EPHA6: variants seen among roughly 807,000 people sequenced by gnomAD.
EPHA6 encodes ephrin type-A receptor 6.
In EPHA6, 50 loss-of-function variants were observed where a neutral mutation model predicts 112.0. That is an observed-to-expected ratio of 0.45 (90% CI 0.36 to 0.56). The LOEUF (loss-of-function observed/expected upper bound fraction) is 0.56, where lower values mean the gene tolerates loss of function less well. Among genes scored for constraint, EPHA6 ranks in the 20% least tolerant of loss-of-function variants. EPHA6 has a pLI of 0.00. For synonymous variants in EPHA6, 529 were observed against 490.7 expected (o/e 1.08, Z -1.03); for missense variants, 1,280 against 1,417.4 (o/e 0.90, Z 1.56).
intron 6 of EPHA6, among the ~76,000 whole-genome samples, chr3:97,420,604 AT>A (rs538964740): frequency 1.5e-4 from 23 of 152,124 alleles, no homozygotes; most frequent in Non-Finnish European, 2.8e-4. Context: ...TTTTTAAGTC[AT>A]TTTTTTCCCC....
At chr3:97,705,308 C>T (rs2033617432) in intron 14 of EPHA6, among the ~76,000 whole-genome samples, 1 of 152,112 alleles carries the variant, frequency 6.6e-6, no homozygotes, top group African/African-American at 2.4e-5. Context: ...TCATCTAACT[C>T]TATTCATCTT....
intron 5 of EPHA6, among the ~76,000 whole-genome samples, chr3:97,283,494 TATA>T (rs1268002937): frequency 2.0e-5 from 3 of 152,138 alleles, no homozygotes; most frequent in African/African-American, 7.2e-5. Flanking sequence ...ATATGGTGAT[TATA>T]ATATTAAATG....
intron 10 of EPHA6, among the ~76,000 whole-genome samples, chr3:97,518,706 T>C (rs556197450): frequency 2.5e-4 from 38 of 152,244 alleles, no homozygotes; most frequent in Admixed American, 7.2e-4. Context: ...TCTTTGGGGG[T>C]TCTAATTTGC....
At chr3:97,123,315 C>A (rs753023917) in intron 3 of EPHA6, among the ~76,000 whole-genome samples, 1 of 152,026 alleles carries the variant, frequency 6.6e-6, no homozygotes, top group Admixed American at 6.6e-5. Flanking sequence ...TTCATGTATA[C>A]GATAGCCTAG....
chr3:96,876,757 A>G (rs748983228), intron 2 of EPHA6, among the ~76,000 whole-genome samples: 3 of 152,040 alleles, frequency 2.0e-5, no homozygotes, highest in South Asian at 4.1e-4. Context: ...TCTATCTGGA[A>G]TGTTCCCTTT....
At chr3:97,492,590 A>C (rs1259297252) in intron 10 of EPHA6, among the ~76,000 whole-genome samples, 3 of 131,138 alleles carry the variant, frequency 2.3e-5, no homozygotes, top group African/African-American at 3.2e-5. Flanking sequence ...AAAAAAAAAA[A>C]AAAACCGTGG....
At chr3:97,146,578 A>G (rs2076047751) in intron 3 of EPHA6, among the ~76,000 whole-genome samples, 1 of 151,888 alleles carries the variant, frequency 6.6e-6, no homozygotes, top group African/African-American at 2.4e-5. Flanking sequence ...TGACTCTTGT[A>G]CTCTCTATAT....
intron 11 of EPHA6, among the ~76,000 whole-genome samples, chr3:97,563,208 T>C (rs113590770): frequency 0.019 from 2,933 of 152,194 alleles, 44 homozygotes; most frequent in Non-Finnish European, 0.03. Flanking sequence ...TAAAGTTATG[T>C]TGAAGGTGAG....
chr3:96,871,284 C>T (rs1367989775), intron 2 of EPHA6, among the ~76,000 whole-genome samples: 2 of 151,830 alleles, frequency 1.3e-5, no homozygotes, highest in Non-Finnish European at 2.9e-5. Context: ...AGGGAAAGGA[C>T]TTGATAATAG....
intron 14 of EPHA6, among the ~76,000 whole-genome samples, chr3:97,641,491 G>GT (rs2094003587): frequency 5.9e-5 from 9 of 152,306 alleles, no homozygotes; most frequent in Admixed American, 5.9e-4. Flanking sequence ...CGTGAGCGAC[G>GT]CAGAAGACGG....
intron 10 of EPHA6, among the ~76,000 whole-genome samples, chr3:97,520,863 T>C (rs961357364): frequency 1.3e-5 from 2 of 152,196 alleles, no homozygotes; most frequent in Admixed American, 1.3e-4. Context: ...CTATATGGTG[T>C]CCCATATGTC....
At chr3:97,489,709 A>G (rs900080729) in intron 10 of EPHA6, among the ~76,000 whole-genome samples, 1 of 152,004 alleles carries the variant, frequency 6.6e-6, no homozygotes, top group East Asian at 1.9e-4. Context: ...AAAGAAACTC[A>G]AAACTTATTT....
At chr3:97,668,961 A>G (rs1483768020) in intron 14 of EPHA6, among the ~76,000 whole-genome samples, 5 of 143,130 alleles carry the variant, frequency 3.5e-5, no homozygotes, top group Admixed American at 6.9e-5. Context: ...AAGTCAGCCA[A>G]TGAAAATCCT....
intron 3 of EPHA6, among the ~76,000 whole-genome samples, chr3:97,084,557 G>A (rs2046834184): frequency 6.6e-6 from 1 of 151,928 alleles, no homozygotes; most frequent in African/African-American, 2.4e-5. Context: ...CATTGTTTCA[G>A]GATACAAAAT....
chr3:97,405,985 T>C (rs1261490915), intron 6 of EPHA6, among the ~76,000 whole-genome samples: 1 of 152,122 alleles, frequency 6.6e-6, no homozygotes, highest in East Asian at 1.9e-4. Context: ...GCAGACCACA[T>C]AGTCAATTCT....
At chr3:97,354,924 C>A (rs533228493) in intron 5 of EPHA6, among the ~76,000 whole-genome samples, 1 of 152,202 alleles carries the variant, frequency 6.6e-6, no homozygotes, top group African/African-American at 2.4e-5. Flanking sequence ...TCAGTGGAAA[C>A]TTTACAGATC....
chr3:97,276,345 C>T (rs1184840105), intron 5 of EPHA6, among the ~76,000 whole-genome samples: 2 of 151,894 alleles, frequency 1.3e-5, no homozygotes, highest in Admixed American at 6.6e-5. Context: ...TTGAACAGTC[C>T]GATTTTCAGT....
intron 11 of EPHA6, among the ~76,000 whole-genome samples, chr3:97,546,204 G>A (rs1189342252): frequency 6.6e-6 from 1 of 152,070 alleles, no homozygotes; most frequent in Admixed American, 6.6e-5. Flanking sequence ...GGCTGGTACT[G>A]GTTGTTCCTT....
intron 10 of EPHA6, among the ~76,000 whole-genome samples, chr3:97,502,214 G>A (rs4857265): frequency 0.13 from 18,049 of 134,692 alleles, 1,396 homozygotes; most frequent in Admixed American, 0.27. Context: ...TATCGCCCAC[G>A]CTGGAGTGCA....
Sources: allele counts gnomAD v4.1 joint callset (sites outside exome capture counted in the v4.1 genomes callset), GRCh38; gene constraint gnomAD v4.1.1; transcripts MANE v1.5; gene names NCBI Gene and HGNC (gene_info 2026-07-23, HGNC 2026-07-21).